The following TRPA1 variants were observed in gnomAD, a reference collection of about 807,000 sequenced individuals.
TRPA1 encodes the protein ankyrin-like with transmembrane domains 1.
In TRPA1, 129 loss-of-function variants were observed where a neutral mutation model predicts 131.3. The ratio of observed to expected loss-of-function variants is 0.98; its 90% CI spans 0.85 to 1.14. The LOEUF is 1.14. Ranked by LOEUF, TRPA1 falls within the 50% of genes most tolerant of loss-of-function variation. The pLI, the probability that TRPA1 is intolerant of heterozygous loss-of-function variation, is 0.00. For synonymous variants in TRPA1, 441 were observed against 451.7 expected, an observed-to-expected ratio of 0.98 and a Z score of 0.30; for missense variants, 1,304 against 1,354.2, an observed-to-expected ratio of 0.96 and a Z score of 0.58.
intron 1 of TRPA1, among the ~76,000 whole-genome samples, chr8:72,074,486 G>T (rs137958616): frequency 2.6e-3 from 396 of 152,106 alleles, no homozygotes; most frequent in African/African-American, 8.6e-3. Context: ...TCCCTCTGTC[G>T]AAAGAGATTT....
At chr8:72,066,187 T>C (rs1340570560) in intron 3 of TRPA1, among the ~76,000 whole-genome samples, 1 of 152,226 alleles carries the variant, frequency 6.6e-6, no homozygotes, top group African/African-American at 2.4e-5. Context: ...CCTGATAAAA[T>C]GATCAAGCAA....
At chr8:72,059,257 T>A in intron 8 of TRPA1, 133 bp downstream of exon 8, 1 of 639,926 alleles carries the variant, frequency 1.6e-6, no homozygotes, top group East Asian at 2.8e-5. Flanking sequence ...ATGTCAATCA[T>A]CATTTTGTAT....
rs1336546470 is a variant in TRPA1 at position 72,055,420 on chromosome 8, A to T, written c.1529+16T>A. The T allele has an allele frequency of 6.2e-7, 1 of 1,609,314 alleles. No homozygotes were observed. The highest frequency in any genetic ancestry group is 1.3e-5 in the African/African-American group (1 of 74,802). On this transcript the variant is annotated intron_variant, in intron 12 of 26. Transcript: ENST00000262209. ...ATTAAAGAAATTATATAAACACTCC[A>T]ATCATATATCCTCACCTGAGAAACA...
At position 72,065,556 on chromosome 8, in the gene TRPA1, G is replaced by T; in HGVS notation, c.447C>A (p.Val149=). The T allele has an allele frequency of 6.2e-7, 1 of 1,612,516 alleles. No individual in the cohort carries two copies. The highest frequency in any genetic ancestry group is 1.1e-5 in the South Asian group (1 of 91,006). Residue 149 remains valine (V), a splice_region_variant and synonymous_variant, in exon 4 of 27, where the codon GTC becomes GTA. Transcript: ENST00000262209. ...CATCAATAGTTCTATGCTCAAGCAA[G>T]ACCTAAAAAAAGGGGAGAATAATTG... ...VQGMNNEVMK[V]LLEHRTIDVN...
intron 24 of TRPA1, among the ~76,000 whole-genome samples, chr8:72,027,541 T>A (rs560804503): frequency 1.6e-4 from 24 of 152,122 alleles, no homozygotes; most frequent in Non-Finnish European, 3.2e-4. Context: ...CCAAACAGCT[T>A]CAAGCCCCTC....
At chr8:72,038,817 T>C in intron 19 of TRPA1, 48 bp downstream of exon 19, 2 of 1,534,560 alleles carry the variant, frequency 1.3e-6, no homozygotes, top group Non-Finnish European at 1.8e-6. Context: ...TAAGAAAAAA[T>C]ACATTTTTTA....
At chr8:72,061,177 T>C (rs377447538) in intron 7 of TRPA1, among the ~76,000 whole-genome samples, 1 of 152,246 alleles carries the variant, frequency 6.6e-6, no homozygotes, top group East Asian at 1.9e-4. Flanking sequence ...CCTAAAACTA[T>C]ATCTTTTGAA....
At chr8:72,089,104 C>T in the TRPA1 span, among the ~76,000 whole-genome samples, 1 of 151,154 alleles carries the variant, frequency 6.6e-6, no homozygotes. Context: ...TGTGACTATG[C>T]ACATATTTTA....
At chr8:72,073,412 G>A (rs949345289) in intron 1 of TRPA1, among the ~76,000 whole-genome samples, 2 of 152,186 alleles carry the variant, frequency 1.3e-5, no homozygotes, top group African/African-American at 4.8e-5. Flanking sequence ...TACTGTGTAT[G>A]TGCTGGAGAA....
intron 7 of TRPA1, among the ~76,000 whole-genome samples, chr8:72,060,713 GT>G (rs1805787274): frequency 6.6e-6 from 1 of 151,962 alleles, no homozygotes; most frequent in Non-Finnish European, 1.5e-5. Context: ...CAACTTCGTA[GT>G]TTTTTACTAG....
chr8:72,087,153 G>A, the TRPA1 span, among the ~76,000 whole-genome samples: 1 of 152,112 alleles, frequency 6.6e-6, no homozygotes, highest in Non-Finnish European at 1.5e-5. Context: ...TACCAGCTCT[G>A]TAAAACTCCA....
At position 72,050,790 on chromosome 8, in the gene TRPA1, A is replaced by G; in HGVS notation, c.1893T>C (p.Pro631=). 1 of 1,609,676 alleles carries G rather than the reference A, an allele frequency of 6.2e-7. No homozygotes were observed. The highest frequency in any genetic ancestry group is 8.5e-7 in the Non-Finnish European group (1 of 1,176,980). The change falls in exon 15 of 27, where the codon CCT becomes CCC. Residue 631 remains proline, a synonymous_variant. Coordinates refer to ENST00000262209, the MANE Select transcript of TRPA1 (RefSeq NM_007332.3). ...TTAGAGAATTTACCTTCATGCATTC[A>G]GGGAGGTATTCTATCATTTCTGTAA... ...CPITEMIEYL[P]ECMKVLLDFC... is the part of the protein sequence containing the mutation.
At chr8:72,085,876 T>G in the TRPA1 span, among the ~76,000 whole-genome samples, 3 of 151,912 alleles carry the variant, frequency 2.0e-5, no homozygotes, top group African/African-American at 7.2e-5. Flanking sequence ...TAACCTTTAC[T>G]GATTTGGGGA....
chr8:72,087,525 T>C, the TRPA1 span, among the ~76,000 whole-genome samples: 17 of 152,200 alleles, frequency 1.1e-4, no homozygotes, highest in Non-Finnish European at 1.9e-4. Flanking sequence ...TATCTTAAGC[T>C]TATCATTCAC....
At chr8:72,063,042 A>T in intron 5 of TRPA1, 98 bp from the exon 6 acceptor site, 1 of 1,161,496 alleles carries the variant, frequency 8.6e-7, no homozygotes, top group Non-Finnish European at 1.2e-6. Context: ...AAAACAATGA[A>T]AGGGCACCGA....
At chr8:72,083,768 C>CA in the TRPA1 span, among the ~76,000 whole-genome samples, 10 of 149,952 alleles carry the variant, frequency 6.7e-5, no homozygotes, top group East Asian at 1.9e-4. Flanking sequence ...AACGAACAAA[C>CA]AAAAAAAAAT....
chr8:72,084,697 G>A, the TRPA1 span, among the ~76,000 whole-genome samples: 3 of 138,326 alleles, frequency 2.2e-5, no homozygotes, highest in Non-Finnish European at 4.6e-5. Context: ...TGTTTCCCAG[G>A]CTGGAGTACA....
At chr8:72,032,750 G>T (rs192496182) in intron 23 of TRPA1, among the ~76,000 whole-genome samples, 25 of 152,186 alleles carry the variant, frequency 1.6e-4, no homozygotes, top group Middle Eastern at 3.4e-3. Flanking sequence ...TCTTTTTCTA[G>T]GTCACCAAAA....
intron 14 of TRPA1, 144 bp downstream of exon 14, chr8:72,052,455 C>G: frequency 1.0e-6 from 1 of 952,398 alleles, no homozygotes; most frequent in Non-Finnish European, 1.5e-6. Flanking sequence ...AATAAAAAAC[C>G]TTTAAAAAAT....
Sources: allele counts gnomAD v4.1 joint callset (sites outside exome capture counted in the v4.1 genomes callset), GRCh38; gene constraint gnomAD v4.1.1; transcripts MANE v1.5; gene names NCBI Gene and HGNC (gene_info 2026-07-23, HGNC 2026-07-21).